The following PLSCR2 variants were observed in gnomAD, a reference collection of about 807,000 sequenced individuals.
PLSCR2 encodes the protein phospholipid scramblase 2, also known as PL scramblase 2.
A neutral mutation model predicts 25.3 loss-of-function variants in PLSCR2; 18 were observed. The observed-to-expected ratio is 0.71, with a 90% CI of 0.49 to 1.06. The LOEUF is 1.06. PLSCR2 is among the 50% of genes least tolerant of loss of function. The pLI is 0.00. For missense variants in PLSCR2, 243 were observed against 269.5 expected, an observed-to-expected ratio of 0.90 and a Z score of 0.69; for synonymous variants, 88 against 87.3, an observed-to-expected ratio of 1.01 and a Z score of -0.04.
chr3:146,457,518 C>T (rs2041286305), intron 3 of PLSCR2, among the ~76,000 whole-genome samples: 1 of 152,242 alleles, frequency 6.6e-6, no homozygotes, highest in Non-Finnish European at 1.5e-5. Flanking sequence ...CATCCTCCAA[C>T]ACTGCAGTGC....
intron 2 of PLSCR2, among the ~76,000 whole-genome samples, chr3:146,399,634 T>A (rs2038390813): frequency 6.6e-6 from 1 of 151,794 alleles, no homozygotes; most frequent in Admixed American, 6.6e-5. Context: ...TTCCATTATA[T>A]TCTGTCCTCT....
chr3:146,468,562 A>T (rs1033234054), intron 1 of PLSCR2, among the ~76,000 whole-genome samples: 1 of 152,082 alleles, frequency 6.6e-6, no homozygotes, highest in African/African-American at 2.4e-5. Flanking sequence ...ACTTTCACTG[A>T]GTACTTTCTG....
At chr3:146,433,259 C>G (rs867996637), downstream of PLSCR2, 2 of 152,262 alleles carry the variant, frequency 1.3e-5, no homozygotes, top group Non-Finnish European at 2.9e-5. Context: ...ACACCATTCT[C>G]TCAAATCTCA....
At chr3:146,474,610 C>T (rs2042224774) in intron 1 of PLSCR2, among the ~76,000 whole-genome samples, 1 of 151,964 alleles carries the variant, frequency 6.6e-6, no homozygotes, top group African/African-American at 2.4e-5. Context: ...GATTATATGT[C>T]TTGGGGTTGA....
At chr3:146,459,648 C>T (rs1367133786) in intron 2 of PLSCR2, among the ~76,000 whole-genome samples, 200 bp downstream of exon 2, 2 of 152,186 alleles carry the variant, frequency 1.3e-5, no homozygotes, top group Non-Finnish European at 2.9e-5. Context: ...TCACCTGTGA[C>T]ATTCATATTT....
chr3:146,396,897 C>A (rs2107982640), intron 2 of PLSCR2, among the ~76,000 whole-genome samples: 1 of 152,264 alleles, frequency 6.6e-6, no homozygotes, highest in South Asian at 2.1e-4. Flanking sequence ...AATATCTTAT[C>A]TCTTATACTA....
At chr3:146,412,142 A>G (rs2038873891) in intron 2 of PLSCR2, among the ~76,000 whole-genome samples, 1 of 152,172 alleles carries the variant, frequency 6.6e-6, no homozygotes, top group African/African-American at 2.4e-5. Flanking sequence ...TAGTAAAAAC[A>G]AGGTTGGGCA....
intron 2 of PLSCR2, among the ~76,000 whole-genome samples, chr3:146,425,824 C>T (rs1418737775): frequency 6.6e-6 from 1 of 151,992 alleles, no homozygotes; most frequent in African/African-American, 2.4e-5. Flanking sequence ...GATGAAGAAC[C>T]TATTATTTGA....
intron 1 of PLSCR2, among the ~76,000 whole-genome samples, chr3:146,487,403 A>G (rs2043385624): frequency 6.6e-6 from 1 of 152,142 alleles, no homozygotes; most frequent in Non-Finnish European, 1.5e-5. Context: ...ACATGATCCT[A>G]TATTTAGAAA....
intron 2 of PLSCR2, among the ~76,000 whole-genome samples, chr3:146,423,237 C>G (rs1576594018): frequency 2.2e-5 from 1 of 44,626 alleles, no homozygotes; most frequent in African/African-American, 1.0e-4. Context: ...TGCAGTGCCT[C>G]TCTCTCTCTC....
intron 1 of PLSCR2, among the ~76,000 whole-genome samples, chr3:146,475,253 C>T (rs1182567026): frequency 4.6e-5 from 7 of 151,798 alleles, no homozygotes; most frequent in Non-Finnish European, 1.0e-4. Flanking sequence ...CATTTTTTCA[C>T]TGATTCTTTC....
chr3:146,495,228 GAGA>G, intron 1 of PLSCR2, among the ~76,000 whole-genome samples: 1 of 152,216 alleles, frequency 6.6e-6, no homozygotes, highest in Non-Finnish European at 1.5e-5. Context: ...CTTCTCTCTA[GAGA>G]AGAACATAAA....
intron 1 of PLSCR2, among the ~76,000 whole-genome samples, chr3:146,481,427 T>C (rs893325048): frequency 1.1e-4 from 16 of 152,172 alleles, no homozygotes; most frequent in Non-Finnish European, 2.1e-4. Context: ...CAAGCATTCC[T>C]ATACACCAAT....
downstream of PLSCR2, among the ~76,000 whole-genome samples, chr3:146,429,228 G>A (rs1484075918): frequency 1.3e-5 from 2 of 152,208 alleles, no homozygotes; most frequent in Non-Finnish European, 2.9e-5. Context: ...GGACCAGCAT[G>A]TCACATGGAA....
At chr3:146,411,684 A>G (rs112101258) in intron 2 of PLSCR2, among the ~76,000 whole-genome samples, 1,761 of 152,326 alleles carry the variant, frequency 0.012, 36 homozygotes, top group African/African-American at 0.039. Flanking sequence ...GCCAAGAGAC[A>G]GCTAATGCTC....
At chr3:146,422,383 C>T (rs1379921368) in intron 2 of PLSCR2, among the ~76,000 whole-genome samples, 1 of 152,114 alleles carries the variant, frequency 6.6e-6, no homozygotes, top group Admixed American at 6.6e-5. Context: ...TTCTTTATTT[C>T]TTATTTATAT....
At chr3:146,494,179 C>G (rs2043663241) in intron 1 of PLSCR2, among the ~76,000 whole-genome samples, 1 of 152,038 alleles carries the variant, frequency 6.6e-6, no homozygotes, top group Non-Finnish European at 1.5e-5. Context: ...GTTCTGACTG[C>G]TTTCTTTGAG....
At chr3:146,489,246 G>A (rs1337622946) in intron 1 of PLSCR2, among the ~76,000 whole-genome samples, 1 of 152,060 alleles carries the variant, frequency 6.6e-6, no homozygotes, top group Non-Finnish European at 1.5e-5. Flanking sequence ...CTTGATGGTT[G>A]CAGCAAACCA....
rs372200036 is a variant in PLSCR2 at position 146,448,785 on chromosome 3, CTTGA to C, written c.645+417_645+420del. 6.8e-3 allele frequency among the ~76,000 whole-genome samples: 1,037 copies of C among 152,226 alleles called. 8 individuals are homozygous for C. Among genetic ancestry groups the C allele is most frequent in the South Asian group, 0.018 (85 of 4,830 alleles). ...GTAAATTGATAGTTAGCTCTAGAGG[CTTGA>C]TTGAATGTATACTCTTATTGCACTT... On this transcript the variant is annotated intron_variant, in intron 6 of 6. Transcript: ENST00000610787.
Sources: gnomAD v4.1 joint callset for allele counts (sites outside exome capture counted in the v4.1 genomes callset) on GRCh38, gnomAD v4.1.1 for gene constraint, MANE v1.5 for transcripts, NCBI Gene and HGNC (gene_info 2026-07-23, HGNC 2026-07-21) for gene names.